VTI1A: variants seen among roughly 807,000 people sequenced by gnomAD.
VTI1A encodes the protein vesicle transport through interaction with t-SNAREs homolog 1A.
VTI1A carries 22 observed loss-of-function variants against 34.9 expected under a neutral mutation model. The observed-to-expected ratio is 0.63, with a 90% CI of 0.45 to 0.90. The LOEUF (loss-of-function observed/expected upper bound fraction) is 0.90. Ranked by LOEUF, VTI1A falls within the 40% of genes least tolerant of loss-of-function variation. VTI1A has a pLI of 0.00. For synonymous variants in VTI1A, 87 were observed against 97.3 expected, an observed-to-expected ratio of 0.89 and a Z score of 0.62; for missense variants, 268 against 275.6, an observed-to-expected ratio of 0.97 and a Z score of 0.20.
intron 5 of VTI1A, among the ~76,000 whole-genome samples, chr10:112,623,677 C>A (rs1845817035): frequency 6.6e-6 from 1 of 152,130 alleles, no homozygotes; most frequent in African/African-American, 2.4e-5. Flanking sequence ...ACTTACTACC[C>A]AAGCCTGGAG....
chr10:112,756,527 T>TA (rs1851288000), intron 7 of VTI1A, among the ~76,000 whole-genome samples: 3 of 152,188 alleles, frequency 2.0e-5, no homozygotes, highest in African/African-American at 7.2e-5. Flanking sequence ...AAGCCGGTCT[T>TA]TATTAAACAC....
chr10:112,811,807 A>G (rs1564935155), intron 7 of VTI1A, among the ~76,000 whole-genome samples: 2 of 151,738 alleles, frequency 1.3e-5, no homozygotes, highest in East Asian at 1.9e-4. Context: ...CTCGAGCAAG[A>G]GCAGAGAACT....
At chr10:112,811,712 A>AT (rs67154330) in intron 7 of VTI1A, among the ~76,000 whole-genome samples, 36,453 of 81,960 alleles carry the variant, frequency 0.44, 13,497 homozygotes, top group South Asian at 0.57. Context: ...AAAAAAAAAA[A>AT]GAGTGCAGTC....
At chr10:112,673,345 A>G (rs1295184188) in intron 7 of VTI1A, among the ~76,000 whole-genome samples, 1 of 151,916 alleles carries the variant, frequency 6.6e-6, no homozygotes, top group Non-Finnish European at 1.5e-5. Flanking sequence ...AAAGGAAAAG[A>G]AAAGAAGGAA....
intron 7 of VTI1A, among the ~76,000 whole-genome samples, chr10:112,713,842 C>G (rs890797994): frequency 9.9e-5 from 15 of 152,136 alleles, no homozygotes; most frequent in Admixed American, 9.8e-4. Context: ...AAATGCTGCT[C>G]TGGTCCTTAA....
Position 112,818,040 on chromosome 10 carries a change from C to T in VTI1A, c.*2657C>T, listed in dbSNP as rs190180721. The T allele has an allele frequency of 2.3e-4, 53 of 233,212 alleles. No homozygotes were observed. The highest frequency in any genetic ancestry group is 8.8e-4 in the African/African-American group (40 of 45,426). 14.4% of individuals were successfully genotyped at this position (233,212 alleles called of 1,614,324 possible). A position where few individuals can be genotyped will look rare whatever the true frequency, so the allele number is the denominator to read the frequency against. On this transcript the variant is annotated 3_prime_UTR_variant, in exon 8 of 8. Transcript: ENST00000393077. ...AGTTTTAAATGATCCGTGTTGAAGGCGAATGCCTGCAAATGCAGTGGGTCT... is the reference window on the plus strand; with the variant it reads ...AGTTTTAAATGATCCGTGTTGAAGGTGAATGCCTGCAAATGCAGTGGGTCT...
At chr10:112,659,858 G>T (rs1192855799) in intron 5 of VTI1A, among the ~76,000 whole-genome samples, 3 of 152,128 alleles carry the variant, frequency 2.0e-5, no homozygotes, top group Non-Finnish European at 4.4e-5. Flanking sequence ...AATATTTTAT[G>T]GTACATAGTA....
rs1207793140 is a variant in VTI1A at position 112,531,013 on chromosome 10, G to A, written c.342+3849G>A. On this transcript the variant is annotated intron_variant, in intron 4 of 7. Transcript: ENST00000393077. Reference sequence around the variant, plus strand: ...GTATGCGAACAGAGACAGCAGTCGCGTTATCAGCTTTAAAAAAAATTCGGT... The same window carrying A: ...GTATGCGAACAGAGACAGCAGTCGCATTATCAGCTTTAAAAAAAATTCGGT... Among the ~76,000 whole-genome samples the A allele has an allele frequency of 2.0e-5, 3 of 150,816 alleles. No individual in the cohort carries two copies. In the East Asian group the frequency reaches 5.9e-4, roughly 30 times the overall value.
At chr10:112,505,613 T>C (rs946630832) in intron 3 of VTI1A, among the ~76,000 whole-genome samples, 2 of 152,136 alleles carry the variant, frequency 1.3e-5, no homozygotes, top group African/African-American at 2.4e-5. Flanking sequence ...GCGTAAACTA[T>C]GTTATATGCT....
At chr10:112,630,950 C>T (rs1846107785) in intron 5 of VTI1A, among the ~76,000 whole-genome samples, 7 of 152,008 alleles carry the variant, frequency 4.6e-5, no homozygotes, top group South Asian at 2.1e-4. Context: ...GATGAAACCC[C>T]GTCTCTACTA....
At chr10:112,474,207 G>A (rs1021373492) in intron 3 of VTI1A, among the ~76,000 whole-genome samples, 2 of 151,862 alleles carry the variant, frequency 1.3e-5, no homozygotes, top group African/African-American at 4.8e-5. Context: ...GACCACAGGT[G>A]CCCGCCACCA....
chr10:112,640,514 A>G (rs1474024306), intron 5 of VTI1A, among the ~76,000 whole-genome samples: 2 of 152,044 alleles, frequency 1.3e-5, no homozygotes, highest in South Asian at 2.1e-4. Flanking sequence ...GGAGGTGGGT[A>G]AGGAGGATCT....
chr10:112,716,864 T>A (rs898294023), intron 7 of VTI1A, among the ~76,000 whole-genome samples: 1 of 152,150 alleles, frequency 6.6e-6, no homozygotes, highest in Non-Finnish European at 1.5e-5. Context: ...TACAAACTGT[T>A]CCGTTTTACT....
At chr10:112,644,796 C>T (rs528647851) in intron 5 of VTI1A, among the ~76,000 whole-genome samples, 14 of 152,304 alleles carry the variant, frequency 9.2e-5, no homozygotes, top group African/African-American at 3.4e-4. Flanking sequence ...AATTGGGCTT[C>T]TCTACCTAGC....
At chr10:112,533,957 TTAAA>T (rs1329518300) in intron 4 of VTI1A, among the ~76,000 whole-genome samples, 1 of 152,128 alleles carries the variant, frequency 6.6e-6, no homozygotes, top group African/African-American at 2.4e-5. Context: ...TAAACTGTTC[TTAAA>T]TAAACTCCTT....
At chr10:112,624,178 G>A (rs528903490) in intron 5 of VTI1A, among the ~76,000 whole-genome samples, 6 of 152,270 alleles carry the variant, frequency 3.9e-5, no homozygotes, top group Middle Eastern at 3.4e-3. Context: ...TCCTCTAGAG[G>A]CATCCCATTT....
intron 5 of VTI1A, among the ~76,000 whole-genome samples, chr10:112,577,085 C>T (rs927199091): frequency 5.3e-5 from 8 of 152,068 alleles, no homozygotes; most frequent in Non-Finnish European, 1.2e-4. Flanking sequence ...TTGTATATTC[C>T]AAGAGGGAAC....
At chr10:112,656,831 C>T (rs938839303) in intron 5 of VTI1A, among the ~76,000 whole-genome samples, 2 of 152,098 alleles carry the variant, frequency 1.3e-5, no homozygotes, top group African/African-American at 4.8e-5. Flanking sequence ...AAATTTTAAT[C>T]CTCCGAGTTG....
intron 7 of VTI1A, among the ~76,000 whole-genome samples, chr10:112,752,900 C>A (rs914611874): frequency 5.9e-5 from 9 of 152,018 alleles, no homozygotes; most frequent in Non-Finnish European, 1.3e-4. Flanking sequence ...TTTACCAATG[C>A]CCTTTTTTTT....
Sources: gnomAD v4.1 joint callset for allele counts (sites outside exome capture counted in the v4.1 genomes callset) on GRCh38, gnomAD v4.1.1 for gene constraint, MANE v1.5 for transcripts, NCBI Gene and HGNC (gene_info 2026-07-23, HGNC 2026-07-21) for gene names.